The following NIPBL variants were observed in gnomAD, a reference collection of about 807,000 sequenced individuals.
NIPBL encodes the protein nipped-B-like protein.
A neutral mutation model predicts 321.8 loss-of-function variants in NIPBL; 19 were observed. The ratio of observed to expected loss-of-function variants is 0.06; its 90% CI spans 0.04 to 0.09. The LOEUF is 0.09. Among genes scored for constraint, NIPBL ranks in the 10% least tolerant of loss-of-function variants. The probability of loss-of-function intolerance (pLI) is 1.00; values close to 1 mark genes in which losing one functional copy is unlikely to be tolerated. For missense variants in NIPBL, 2,210 were observed against 3,327.0 expected (o/e 0.66, Z 8.26); for synonymous variants, 1,106 against 1,114.1 (o/e 0.99, Z 0.14).
intron 1 of NIPBL, among the ~76,000 whole-genome samples, chr5:36,928,600 A>G (rs1198993763): frequency 2.0e-5 from 3 of 152,222 alleles, no homozygotes; most frequent in Admixed American, 1.3e-4. Context: ...CTGTTTAAGT[A>G]TACAATTTAA....
chr5:36,922,424 A>G (rs1440214997), intron 1 of NIPBL, among the ~76,000 whole-genome samples: 1 of 152,168 alleles, frequency 6.6e-6, no homozygotes, highest in Non-Finnish European at 1.5e-5. Flanking sequence ...TAGTATATTC[A>G]TAGAAAAAGT....
chr5:37,019,934 G>T (rs560362130), intron 25 of NIPBL, among the ~76,000 whole-genome samples: 1 of 152,138 alleles, frequency 6.6e-6, no homozygotes, highest in African/African-American at 2.4e-5. Flanking sequence ...GAAAGAAATG[G>T]GATACTACTA....
chr5:36,889,910 A>G (rs941675682), intron 1 of NIPBL, among the ~76,000 whole-genome samples: 6 of 151,870 alleles, frequency 4.0e-5, no homozygotes, highest in African/African-American at 1.2e-4. Context: ...TTGTAGAACC[A>G]ATGTGAAAAA....
intron 14 of NIPBL, among the ~76,000 whole-genome samples, chr5:37,001,471 G>T (rs1746795164): frequency 6.6e-6 from 1 of 152,108 alleles, no homozygotes; most frequent in African/African-American, 2.4e-5. Context: ...ATGAGTAAGT[G>T]AGAGTAATTT....
chr5:36,902,204 AG>A (rs1747287361), intron 1 of NIPBL, among the ~76,000 whole-genome samples: 2 of 151,876 alleles, frequency 1.3e-5, no homozygotes, highest in African/African-American at 4.8e-5. Context: ...TCCATTCTGT[AG>A]GTTGTCTGTT....
At position 36,961,671 on chromosome 5, in the gene NIPBL, G is replaced by A. The variant is rs1202346343; in HGVS notation, c.458+88G>A. 4 of 896,712 alleles carry A rather than the reference G, an allele frequency of 4.5e-6. No individual in the cohort carries two copies. In the African/African-American group the frequency reaches 6.6e-5, roughly 15 times the overall value. The allele number at this position is 896,712 out of a possible 1,614,324, so 55.5% of individuals were successfully genotyped here. On this transcript the variant is annotated intron_variant, in intron 5 of 46. Transcript: ENST00000282516. The stretch of plus-strand genomic sequence containing the variant: ...ATGGTTCATACATTTAGGTAATGGT[G>A]GATTATTTAGAGTTTAAATAGTTGA...
Position 36,971,026 on chromosome 5 carries a change from T to C in NIPBL, c.761T>C (p.Leu254Pro). ...SEDYLHMVHR[L>P]SSDDGDSSTM... ...GACTACCTACACATGGTGCACAGGC[T>C]AAGTAGTGACGTATGTAATATATTA... The change falls in exon 7 of 47, where the codon CTA becomes CCA. Residue 254 changes from leucine to proline, a missense_variant. Around this residue, in one of 14 missense-constraint regions of NIPBL, gnomAD observed 464 missense variants for 529.5 expected, o/e 0.88. Transcript: ENST00000282516. 1 of 1,612,200 alleles carries C rather than the reference T, an allele frequency of 6.2e-7. No homozygotes were observed. The highest frequency in any genetic ancestry group is 8.5e-7 in the Non-Finnish European group (1 of 1,178,304).
Position 37,039,974 on chromosome 5 carries a change from TA to T in NIPBL, c.6108+1237del, listed in dbSNP as rs1752150596. On this transcript the variant is annotated intron_variant, in intron 34 of 46. Coordinates refer to ENST00000282516, the MANE Select transcript of NIPBL (RefSeq NM_133433.4). ...CCAAGCACTGTGAAAATTTTACATGTATTATCTCATTAACTTTGTGAAGTAA... is the reference window on the plus strand; with the variant it reads ...CCAAGCACTGTGAAAATTTTACATGTTTATCTCATTAACTTTGTGAAGTAA... 2.6e-5 allele frequency among the ~76,000 whole-genome samples: 4 copies of T among 152,138 alleles called. No homozygotes were observed. The South Asian group carries it at 8.3e-4, about 31-fold the overall frequency.
At chr5:36,925,150 A>G (rs535283934) in intron 1 of NIPBL, among the ~76,000 whole-genome samples, 24 of 152,188 alleles carry the variant, frequency 1.6e-4, no homozygotes, top group Non-Finnish European at 3.2e-4. Context: ...TACTCAAATA[A>G]GTGATGCTAT....
chr5:37,034,004 A>G lies in NIPBL; in HGVS notation c.5863-2375A>G, dbSNP rs72736716. On this transcript the variant is annotated intron_variant, in intron 32 of 46. Coordinates refer to ENST00000282516, the MANE Select transcript of NIPBL (RefSeq NM_133433.4). ...ATATTTGGCACATATATAACCAACAATTAATACCGAGAATAAATACATAAG... is the reference window on the plus strand; with the variant it reads ...ATATTTGGCACATATATAACCAACAGTTAATACCGAGAATAAATACATAAG... Among the ~76,000 whole-genome samples, 1,257 of 152,156 alleles carry G rather than the reference A, an allele frequency of 8.3e-3. 12 individuals carry two copies. Among genetic ancestry groups the G allele is most frequent in the Non-Finnish European group, 0.013 (884 of 68,008 alleles).
rs1753677898 is a variant in NIPBL, at chr5:37,052,560, C to G, written c.7257C>G (p.Asp2419Glu). The stretch of plus-strand genomic sequence containing the variant: ...TTTCTTTACTCAACCTCTTTGATGA[C>G]ACAGCAGTAAGCACAAAAACTTATT... ...FLISLLNLFD[D>E]TAKTDVTMLL... The change falls in exon 42 of 47, where the codon GAC becomes GAG. Residue 2419 changes from aspartate to glutamate, a missense_variant. By Grantham distance (45) the Asp-to-Glu change is conservative (BLOSUM62 2). Around this residue, in one of 14 missense-constraint regions of NIPBL, gnomAD observed 112 missense variants for 288.3 expected, o/e 0.39. Transcript: ENST00000282516. The G allele has an allele frequency of 6.2e-7, 1 of 1,613,250 alleles. No homozygotes were observed. Among genetic ancestry groups the G allele is most frequent in the Non-Finnish European group, 8.5e-7 (1 of 1,179,350 alleles).
chr5:36,901,032 A>G (rs1747167448), intron 1 of NIPBL, among the ~76,000 whole-genome samples: 1 of 151,858 alleles, frequency 6.6e-6, no homozygotes, highest in Non-Finnish European at 1.5e-5. Context: ...GGTTTGTTGT[A>G]TAGATTATTT....
At chr5:37,056,360 T>G (rs1754090433) in intron 42 of NIPBL, among the ~76,000 whole-genome samples, 1 of 152,212 alleles carries the variant, frequency 6.6e-6, no homozygotes, top group Non-Finnish European at 1.5e-5. Flanking sequence ...AGTGAGTGTT[T>G]TTTAGTTGTG....
intron 26 of NIPBL, 36 bp from the exon 27 acceptor site, chr5:37,020,739 A>G: frequency 6.2e-7 from 1 of 1,607,618 alleles, no homozygotes; most frequent in Non-Finnish European, 8.5e-7. Flanking sequence ...AGTTACAAAA[A>G]AAGAAAAATA....
chr5:37,017,925 A>G (rs1021393023), intron 24 of NIPBL, among the ~76,000 whole-genome samples: 5 of 152,126 alleles, frequency 3.3e-5, no homozygotes, highest in African/African-American at 7.2e-5. Context: ...ATATAGATGT[A>G]TGTGTGTCTG....
rs1741197196 is a variant in NIPBL at position 36,958,227 on chromosome 5, A to G, written c.354A>G (p.Gln118=). ...AAAGCATGCAGAACAGATATGTACA[A>G]AGTGGTGAGTTTCTTAATAACTGAA... ...REKSMQNRYV[Q]SGMMMSQYKL... The change falls in exon 4 of 47, where the codon CAA becomes CAG. Residue 118 remains glutamine, a synonymous_variant. Transcript: ENST00000282516. 1.2e-6 allele frequency: 2 copies of G among 1,613,522 alleles called. No individual in the cohort carries two copies. Among genetic ancestry groups the G allele is most frequent in the East Asian group, 2.2e-5 (1 of 44,856 alleles).
chr5:36,886,204 C>A (rs1420136228), intron 1 of NIPBL: 6 of 653,352 alleles, frequency 9.2e-6, no homozygotes, highest in African/African-American at 1.8e-5. Context: ...CTATGCCCTG[C>A]AGGTAGAGCA....
intron 12 of NIPBL, 39 bp downstream of exon 12, chr5:37,000,609 A>G (rs778121980): frequency 1.9e-6 from 3 of 1,594,472 alleles, no homozygotes. Flanking sequence ...ACATAAACCA[A>G]TTTAAATTTA....
chr5:36,961,683 GT>G, intron 5 of NIPBL, 100 bp downstream of exon 5: 1 of 844,270 alleles, frequency 1.2e-6, no homozygotes, highest in South Asian at 1.4e-5. Context: ...ATTATTTAGA[GT>G]TTAAATAGTT....
Sources: allele counts gnomAD v4.1 joint callset (sites outside exome capture counted in the v4.1 genomes callset), GRCh38; gene constraint gnomAD v4.1.1; regional missense constraint gnomAD v4.1.1; transcripts MANE v1.5; gene names NCBI Gene and HGNC (gene_info 2026-07-23, HGNC 2026-07-21).